The following DRC7 variants were observed in gnomAD, a reference collection of about 807,000 sequenced individuals.
DRC7 encodes dynein regulatory complex subunit 7, also known as coiled-coil domain containing 135.
Under a neutral mutation model 104.4 loss-of-function variants are expected in DRC7, and 80 were observed. That is an observed-to-expected ratio of 0.77 (90% CI 0.64 to 0.92). The LOEUF is 0.92. Among genes scored for constraint, DRC7 ranks in the 40% least tolerant of loss-of-function variants. DRC7 has a pLI of 0.00. For missense variants in DRC7, 1,034 were observed against 1,141.1 expected (o/e 0.91, Z 1.35); for synonymous variants, 405 against 447.3 (o/e 0.91, Z 1.19).
At chr16:57,726,972 G>A in intron 15 of DRC7, 30 bp downstream of exon 15, 1 of 1,396,598 alleles carries the variant, frequency 7.2e-7, no homozygotes, top group Non-Finnish European at 1.0e-6. Context: ...TGAGCAGGTG[G>A]GCGGTATCTT....
intron 9 of DRC7, among the ~76,000 whole-genome samples, chr16:57,721,187 G>C (rs1008752989): frequency 2.0e-5 from 3 of 152,092 alleles, no homozygotes; most frequent in African/African-American, 4.8e-5. Context: ...ACTCCAGCCT[G>C]GGCAACAGAA....
rs767906239 is a variant in DRC7, at chr16:57,707,680, T to C, written c.1077+2T>C. 1.2e-6 allele frequency: 2 copies of C among 1,612,346 alleles called. No homozygotes were observed. The highest frequency in any genetic ancestry group is 1.7e-6 in the Non-Finnish European group (2 of 1,179,670). ...CAGGATTGCTGGAACTGCTGCAAGGTGCCTAGGGAGGGGGAGCTGGGTGGG... is the reference window on the plus strand; with the variant it reads ...CAGGATTGCTGGAACTGCTGCAAGGCGCCTAGGGAGGGGGAGCTGGGTGGG... On this transcript the variant is annotated splice_donor_variant, in intron 8 of 18. Coordinates refer to ENST00000360716, the MANE Select transcript of DRC7 (RefSeq NM_001289162.2). LOFTEE classifies it high-confidence loss of function.
chr16:57,720,328 TG>T (rs1266759017), intron 9 of DRC7, among the ~76,000 whole-genome samples: 1 of 152,236 alleles, frequency 6.6e-6, no homozygotes, highest in Non-Finnish European at 1.5e-5. Flanking sequence ...CTGCTTGATG[TG>T]ATGTGCTTGG....
Position 57,723,849 on chromosome 16 carries a change from G to T in DRC7, c.1537+719G>T, listed in dbSNP as rs547866724. On this transcript the variant is annotated intron_variant, in intron 12 of 18. Transcript: ENST00000360716. ...ATAATAAAAAAAAAGAAACTAATAA[G>T]GTCCCTAACCAATAAAGGACCATCT... 6.2e-4 allele frequency among the ~76,000 whole-genome samples: 93 copies of T among 150,654 alleles called. 1 individual carries two copies. The South Asian group carries it at 0.019, about 30-fold the overall frequency.
intron 8 of DRC7, chr16:57,714,574 C>T (rs1273535265): frequency 6.0e-6 from 1 of 165,980 alleles, no homozygotes; most frequent in African/African-American, 2.4e-5. Flanking sequence ...TGCAGTAAGC[C>T]ATGATTGTGC....
In DRC7 at chr16:57,707,501, G is replaced by C; in HGVS notation, c.900G>C (p.Arg300=). Residue 300 remains arginine, a synonymous_variant, in exon 8 of 19, where the codon CGG becomes CGC. Coordinates refer to ENST00000360716, the MANE Select transcript of DRC7 (RefSeq NM_001289162.2). ...AGCCGGATGCCCTGCACGGCCTGCG[G>C]GTGCACTCCTGGGTCCTTGTGCTAT... ...KAKPDALHGL[R]VHSWVLVLSG... is the part of the protein sequence containing the mutation. 3 of 1,613,382 alleles carry C rather than the reference G, an allele frequency of 1.9e-6. No individual in the cohort carries two copies. The highest frequency in any genetic ancestry group is 1.1e-5 in the South Asian group (1 of 91,090).
chr16:57,698,898 C>T lies in DRC7; in HGVS notation c.252C>T (p.Tyr84=). Residue 84 remains tyrosine (Y), a synonymous_variant, in exon 4 of 19, where the codon TAC becomes TAT. Coordinates refer to ENST00000360716, the MANE Select transcript of DRC7 (RefSeq NM_001289162.2). ...ACATCTCCAAGCTGCCCATTTCCTA[C>T]AAAACCAACACACCCAAGGAGGAAC... The part of the protein sequence containing the change: ...TIDISKLPIS[Y]KTNTPKEEHL... 4 of 1,614,158 alleles carry T rather than the reference C, an allele frequency of 2.5e-6. No homozygotes were observed. The highest frequency in any genetic ancestry group is 3.4e-6 in the Non-Finnish European group (4 of 1,180,008).
intron 8 of DRC7, among the ~76,000 whole-genome samples, chr16:57,708,683 C>G (rs1181526137): frequency 6.6e-6 from 1 of 152,152 alleles, no homozygotes; most frequent in Non-Finnish European, 1.5e-5. Context: ...TGCCCGATTT[C>G]TCAAGTGATT....
chr16:57,702,472 T>C (rs560095402), intron 6 of DRC7, among the ~76,000 whole-genome samples: 1 of 152,330 alleles, frequency 6.6e-6, no homozygotes, highest in East Asian at 1.9e-4. Context: ...ATTTACCCTA[T>C]GCATTTGATA....
chr16:57,697,872 G>T (rs2048612714), intron 2 of DRC7, 41 bp from the exon 3 acceptor site: 9 of 1,544,402 alleles, frequency 5.8e-6, no homozygotes, highest in Non-Finnish European at 7.8e-6. Context: ...TCCTGCCTGG[G>T]CTGACAGTCG....
rs767165632 is a variant in DRC7 at position 57,698,909 on chromosome 16, C to T, written c.263C>T (p.Thr88Ile). ...CTGCCCATTTCCTACAAAACCAACA[C>T]ACCCAAGGAGGAACACCTGCTGCAG... is the stretch of plus-strand genomic sequence containing the variant. ...SKLPISYKTN[T>I]PKEEHLLQVA... Residue 88 changes from threonine to isoleucine, a missense_variant, in exon 4 of 19, where the codon ACA becomes ATA. Thr to Ile is a moderately conservative substitution (Grantham distance 89, BLOSUM62 -1). Coordinates refer to ENST00000360716, the MANE Select transcript of DRC7 (RefSeq NM_001289162.2). 3.1e-6 allele frequency: 5 copies of T among 1,614,172 alleles called. No individual in the cohort carries two copies. Among genetic ancestry groups the T allele is most frequent in the Non-Finnish European group, 4.2e-6 (5 of 1,180,016 alleles).
At position 57,712,674 on chromosome 16, in the gene DRC7, G is replaced by GT. The variant is rs571483369; in HGVS notation, c.1077+5006dup. On this transcript the variant is annotated intron_variant, in intron 8 of 18. Transcript: ENST00000360716. ...TTCATCTAAGACTGTTTTTTGTTTT[G>GT]TTTTTTTTTTGAGACAGAGTTTCGC... Among the ~76,000 whole-genome samples, 895 of 147,216 alleles carry GT rather than the reference G, an allele frequency of 6.1e-3. 3 individuals are homozygous for GT. Among genetic ancestry groups the GT allele is most frequent in the Non-Finnish European group, 9.9e-3 (656 of 66,236 alleles).
At chr16:57,705,770 C>G (rs1476753789) in intron 7 of DRC7, among the ~76,000 whole-genome samples, 3 of 131,620 alleles carry the variant, frequency 2.3e-5, no homozygotes, top group Non-Finnish European at 4.6e-5. Flanking sequence ...ATCCATCCTC[C>G]CATCCATCCA....
chr16:57,725,704 T>C, intron 13 of DRC7: 1 of 229,912 alleles, frequency 4.3e-6, no homozygotes, highest in Non-Finnish European at 8.6e-6. Flanking sequence ...TTCATGTCAT[T>C]ACAAATTAGT....
At chr16:57,707,841 T>C (rs1170737140) in intron 8 of DRC7, 163 bp downstream of exon 8, 3 of 644,162 alleles carry the variant, frequency 4.7e-6, no homozygotes, top group Non-Finnish European at 8.4e-6. Context: ...CCCTTGCCCA[T>C]GAATAACCAT....
intron 16 of DRC7, 64 bp from the exon 17 acceptor site, chr16:57,728,326 C>T: frequency 2.1e-6 from 3 of 1,440,214 alleles, no homozygotes; most frequent in Non-Finnish European, 2.8e-6. Context: ...ACTGCTGATG[C>T]AGAGCTGGTG....
chr16:57,724,929 T>TTG (rs2048946985), intron 13 of DRC7, 94 bp downstream of exon 13: 1 of 981,988 alleles, frequency 1.0e-6, no homozygotes, highest in African/African-American at 1.6e-5. Context: ...TGGGGTGGCA[T>TTG]TAAGGCCTGA....
In DRC7 at chr16:57,731,687, A is replaced by G; in HGVS notation, c.*429A>G. 5.5e-6 allele frequency: 1 copy of G among 182,246 alleles called. No individual in the cohort carries two copies. The highest frequency in any genetic ancestry group is 1.1e-5 in the Non-Finnish European group (1 of 87,020). 11.3% of individuals were successfully genotyped at this position (182,246 alleles called of 1,614,324 possible). A position where few individuals can be genotyped will look rare whatever the true frequency, so the allele number is the denominator to read the frequency against. On this transcript the variant is annotated 3_prime_UTR_variant, in exon 19 of 19. Coordinates refer to ENST00000360716, the MANE Select transcript of DRC7 (RefSeq NM_001289162.2). ...CCCACCTCACCAAGTGGGATGGGGA[A>G]GGCTAAGATGCATGCCCCAGAATTT...
chr16:57,731,386 C>G lies in DRC7; in HGVS notation c.*128C>G, dbSNP rs1481704444. On this transcript the variant is annotated 3_prime_UTR_variant, in exon 19 of 19. Coordinates refer to ENST00000360716, the MANE Select transcript of DRC7 (RefSeq NM_001289162.2). The stretch of plus-strand genomic sequence containing the variant: ...ACACCTGGCCTCACTGCCAGCCCAC[C>G]TCCCCTACAGCCCTGTTTGTTCCTG... 7 of 668,240 alleles carry G rather than the reference C, an allele frequency of 1.0e-5. No individual in the cohort carries two copies. The highest frequency in any genetic ancestry group is 1.8e-5 in the African/African-American group (1 of 55,270). 41.4% of individuals were successfully genotyped at this position (668,240 alleles called of 1,614,324 possible).
Sources: gnomAD v4.1 joint callset for allele counts (sites outside exome capture counted in the v4.1 genomes callset) on GRCh38, gnomAD v4.1.1 for gene constraint, MANE v1.5 for transcripts, NCBI Gene and HGNC (gene_info 2026-07-23, HGNC 2026-07-21) for gene names.